CRYBA2: variants seen among roughly 807,000 people sequenced by gnomAD.
The protein encoded by CRYBA2 is crystallin beta A2.
Under a neutral mutation model 18.5 loss-of-function variants are expected in CRYBA2, and 17 were observed. That is an observed-to-expected ratio of 0.92 (90% CI 0.63 to 1.38). The LOEUF (loss-of-function observed/expected upper bound fraction) is 1.38. CRYBA2 is among the 40% of genes most tolerant of loss of function. The pLI, the probability that CRYBA2 is intolerant of heterozygous loss-of-function variation, is 0.00. For synonymous variants in CRYBA2, 101 were observed against 106.2 expected (o/e 0.95, Z 0.30); for missense variants, 271 against 265.0 (o/e 1.02, Z -0.16).
chr2:218,990,723 C>T (rs1349129369), intron 3 of CRYBA2, 129 bp downstream of exon 3: 4 of 1,188,800 alleles, frequency 3.4e-6, no homozygotes, highest in Non-Finnish European at 4.7e-6. Flanking sequence ...CCATCATCTC[C>T]CTCCCCTTGC....
chr2:218,990,453 C>A (rs1271018644), intron 3 of CRYBA2, 54 bp from the exon 4 acceptor site: 2 of 1,591,898 alleles, frequency 1.3e-6, no homozygotes, highest in Admixed American at 1.7e-5. Flanking sequence ...CACCCCCACC[C>A]TATGTTCTCC....
chr2:218,990,888 CT>C lies in CRYBA2; in HGVS notation c.409del (p.Ser137AlafsTer71). The C allele has an allele frequency of 6.2e-7, 1 of 1,614,172 alleles. No individual in the cohort carries two copies. The highest frequency in any genetic ancestry group is 2.2e-5 in the East Asian group (1 of 44,878). On this transcript the variant is annotated frameshift_variant, in exon 3 of 4. Coordinates refer to ENST00000295728, the MANE Select transcript of CRYBA2 (RefSeq NM_057093.2). LOFTEE classifies it low-confidence loss of function (END_TRUNC). ...YPSLPSMGWA[S>X]KDVGSLKVSS... ...GACTTTGAGGGAACCCACATCCTTG[CT>C]GGCCCAGCCCATGGAGGGCAGGGAT...
rs189642604 is a variant in CRYBA2, at chr2:218,991,657, C to A, written c.303+445G>T. Among the ~76,000 whole-genome samples the A allele has an allele frequency of 6.9e-4, 105 of 152,326 alleles. 1 individual carries two copies. The Middle Eastern group carries it at 0.01, about 15-fold the overall frequency. ...CGGTGTATTTGATTCATTAACAACA[C>A]CCTCACACACACAATAACACACACA... On this transcript the variant is annotated intron_variant, in intron 2 of 3. Coordinates refer to ENST00000295728, the MANE Select transcript of CRYBA2 (RefSeq NM_057093.2).
At chr2:218,992,363 T>A in intron 1 of CRYBA2, 120 bp from the exon 2 acceptor site, 1 of 1,000,192 alleles carries the variant, frequency 1.0e-6, no homozygotes, top group Non-Finnish European at 1.5e-6. Context: ...CCCAAACCCT[T>A]CCCCTGACAC....
At chr2:218,992,702 T>A (rs1945512298) in intron 1 of CRYBA2, among the ~76,000 whole-genome samples, 1 of 152,166 alleles carries the variant, frequency 6.6e-6, no homozygotes, top group Non-Finnish European at 1.5e-5. Flanking sequence ...TTAAGCCAAG[T>A]GCAGAGCCTT....
chr2:218,993,138 G>A lies in CRYBA2; in HGVS notation c.39C>T (p.Ser13=), dbSNP rs772895910. 6.2e-7 allele frequency: 1 copy of A among 1,609,326 alleles called. No homozygotes were observed. Among genetic ancestry groups the A allele is most frequent in the African/African-American group, 1.3e-5 (1 of 74,908 alleles). ...SAPAPGPAPA[S]LTLWDEEDFQ... ...AGTCCTCCTCGTCCCAGAGCGTGAGGCTGGCGGGCGCCGGGCCCGGCGCGG... is the reference window on the plus strand; with the variant it reads ...AGTCCTCCTCGTCCCAGAGCGTGAGACTGGCGGGCGCCGGGCCCGGCGCGG... The change falls in exon 1 of 4, where the codon AGC becomes AGT. Residue 13 remains serine (S), a synonymous_variant. Coordinates refer to ENST00000295728, the MANE Select transcript of CRYBA2 (RefSeq NM_057093.2). This position sits in a 1 kb window ranked among gnomAD's most constrained non-coding sequence, Gnocchi z 7.7.
At chr2:218,991,165 G>T in intron 2 of CRYBA2, 171 bp from the exon 3 acceptor site, 1 of 969,338 alleles carries the variant, frequency 1.0e-6, no homozygotes, top group East Asian at 2.7e-5. Flanking sequence ...CTGGGAAATG[G>T]ATCGCTCAGA....
intron 1 of CRYBA2, 113 bp downstream of exon 1, chr2:218,992,903 A>G (rs1048426721): frequency 1.4e-5 from 11 of 784,482 alleles, no homozygotes; most frequent in Admixed American, 2.8e-5. Flanking sequence ...GGGGTTTCCC[A>G]TGTTGGCAGG....
intron 3 of CRYBA2, 126 bp from the exon 4 acceptor site, chr2:218,990,525 C>CAGGAA: frequency 8.1e-7 from 1 of 1,229,822 alleles, no homozygotes. Flanking sequence ...TTCAACTTTC[C>CAGGAA]CTCCGTGGCT....
chr2:218,991,216 G>T, intron 2 of CRYBA2: 1 of 552,970 alleles, frequency 1.8e-6, no homozygotes, highest in Admixed American at 3.4e-5. Flanking sequence ...TTTGAGATAA[G>T]GAGGTGATTG....
rs948625438 is a variant in CRYBA2, at chr2:218,993,397, G to T, written c.-221C>A. The T allele has an allele frequency of 1.5e-4, 85 of 549,436 alleles. No individual in the cohort carries two copies. Among genetic ancestry groups the T allele is most frequent in the Non-Finnish European group, 1.6e-5 (5 of 315,634 alleles). 34.0% of individuals were successfully genotyped at this position (549,436 alleles called of 1,614,324 possible). ...CACCGGGTGGGTGAGCGCGGCACGC[G>T]AGGGAAATGGACCGGCTGCGAGGCT... On this transcript the variant is annotated 5_prime_UTR_variant, in exon 1 of 4. Coordinates refer to ENST00000295728, the MANE Select transcript of CRYBA2 (RefSeq NM_057093.2). This position sits in a 1 kb window ranked among gnomAD's most constrained non-coding sequence, Gnocchi z 7.7.
chr2:218,992,162 C>G lies in CRYBA2; in HGVS notation c.243G>C (p.Trp81Cys). 6.2e-7 allele frequency: 1 copy of G among 1,613,376 alleles called. No homozygotes were observed. Among genetic ancestry groups the G allele is most frequent in the African/African-American group, 1.3e-5 (1 of 75,052 alleles). The change falls in exon 2 of 4, where the codon TGG becomes TGC. Residue 81 changes from tryptophan to cysteine, a missense_variant. Coordinates refer to ENST00000295728, the MANE Select transcript of CRYBA2 (RefSeq NM_057093.2). ...TGCTGTTGTGGCTGCTGCTGCCACT[C>G]CAGGCGCTCCAGCGAGGATAGTCTC... is the stretch of plus-strand genomic sequence containing the variant. ...EKGDYPRWSA[W>C]SGSSSHNSNQ...
In CRYBA2 at chr2:218,990,282, C is replaced by T. The variant is rs1181615517; in HGVS notation, c.564G>A (p.Gln188=). ...GCTGGACTCTCCGGATGGACTGCAG[C>T]TGCCCAGTGTGGGCCTGTGTGCCGA... ...GELGTQAHTG[Q]LQSIRRVQH The change falls in exon 4 of 4, where the codon CAG becomes CAA. Residue 188 remains glutamine, a synonymous_variant. Coordinates refer to ENST00000295728, the MANE Select transcript of CRYBA2 (RefSeq NM_057093.2). The T allele has an allele frequency of 1.9e-6, 3 of 1,614,046 alleles. No homozygotes were observed. In the African/African-American group the frequency reaches 4.0e-5, roughly 22 times the overall value.
chr2:218,990,978 C>T lies in CRYBA2; in HGVS notation c.320G>A (p.Arg107His), dbSNP rs371989867. 5.2e-5 allele frequency: 84 copies of T among 1,614,168 alleles called. No homozygotes were observed. In the Middle Eastern group the frequency reaches 1.2e-3, roughly 22 times the overall value. Reference sequence around the variant, plus strand: ...GTTGTCCCCCTCAAACAGTGTCACACGGCTGTCATTGTGGTTCTGAGGCAC... The same window carrying T: ...GTTGTCCCCCTCAAACAGTGTCACATGGCTGTCATTGTGGTTCTGAGGCAC... ...PVLCANHNDSRVTLFEGDNFQ... is the reference protein window; with the variant it reads ...PVLCANHNDSHVTLFEGDNFQ... The change falls in exon 3 of 4, where the codon CGT becomes CAT. Residue 107 changes from arginine to histidine, a missense_variant. By Grantham distance (29) the Arg-to-His change is conservative. Transcript: ENST00000295728.
chr2:218,991,764 T>C (rs1945499969), intron 2 of CRYBA2: 4 of 302,332 alleles, frequency 1.3e-5, no homozygotes, highest in Non-Finnish European at 2.5e-5. Context: ...CACCTGTGTA[T>C]GGGGCTAACA....
chr2:218,992,122 A>G lies in CRYBA2; in HGVS notation c.283T>C (p.Phe95Leu), dbSNP rs760727776. The G allele has an allele frequency of 3.7e-6, 6 of 1,613,476 alleles. No individual in the cohort carries two copies. In the South Asian group the frequency reaches 6.6e-5, roughly 18 times the overall value. Residue 95 changes from phenylalanine to leucine, a missense_variant, in exon 2 of 4, where the codon TTC becomes CTC. Phe to Leu is a conservative substitution (Grantham distance 22, BLOSUM62 0). Transcript: ENST00000295728. ...SSHNSNQLLS[F>L]RPVLCANHND... ...CTCACCGCGCAGAGCACTGGCCGGA[A>G]GGACAGCAGCTGGTTGCTGTTGTGG...
chr2:218,990,329 C>T lies in CRYBA2; in HGVS notation c.517G>A (p.Glu173Lys). 1 of 1,614,180 alleles carries T rather than the reference C, an allele frequency of 6.2e-7. No individual in the cohort carries two copies. The highest frequency in any genetic ancestry group is 8.5e-7 in the Non-Finnish European group (1 of 1,180,028). The change falls in exon 4 of 4, where the codon GAG (glutamate) becomes AAG (lysine). Residue 173 changes from glutamate to lysine, a missense_variant. Physicochemically the swap from Glu to Lys is moderately conservative, Grantham distance 56. Transcript: ENST00000295728. ...YVLERDRHSG[E>K]FCTYGELGTQ... ...CCGAGCTCACCGTAAGTACAGAACT[C>T]TCCGCTGTGCCGGTCCCGCTCCAAC...
Position 218,993,160 on chromosome 2 carries a change from G to C in CRYBA2, c.17C>G (p.Ala6Gly), listed in dbSNP as rs762335186. MSSAP[A>G]PGPAPASLTL... is the part of the protein sequence containing the mutation. ...GAGGCTGGCGGGCGCCGGGCCCGGC[G>C]CGGGGGCGCTGCTCATGCCGCTGCG... The change falls in exon 1 of 4, where the codon GCG becomes GGG. Residue 6 changes from alanine (A) to glycine (G), a missense_variant. Coordinates refer to ENST00000295728, the MANE Select transcript of CRYBA2 (RefSeq NM_057093.2). The surrounding 1 kb of genome is among the most constrained non-coding windows in gnomAD (Gnocchi z 7.7). 6.2e-7 allele frequency: 1 copy of C among 1,603,510 alleles called. No individual in the cohort carries two copies. Among genetic ancestry groups the C allele is most frequent in the South Asian group, 1.1e-5 (1 of 90,284 alleles).
In CRYBA2 at chr2:218,990,305, C is replaced by G. The variant is rs748194398; in HGVS notation, c.541G>C (p.Gly181Arg). Residue 181 changes from glycine (G) to arginine (R), a missense_variant, in exon 4 of 4, where the codon GGC becomes CGC. By Grantham distance (125) the Gly-to-Arg change is moderately radical (BLOSUM62 -2). Coordinates refer to ENST00000295728, the MANE Select transcript of CRYBA2 (RefSeq NM_057093.2). ...AGCTGCCCAGTGTGGGCCTGTGTGC[C>G]GAGCTCACCGTAAGTACAGAACTCT... ...SGEFCTYGEL[G>R]TQAHTGQLQS... The G allele has an allele frequency of 2.5e-6, 4 of 1,614,128 alleles. No individual in the cohort carries two copies. Among genetic ancestry groups the G allele is most frequent in the Non-Finnish European group, 3.4e-6 (4 of 1,180,012 alleles).
Sources: allele counts gnomAD v4.1 joint callset (sites outside exome capture counted in the v4.1 genomes callset), GRCh38; gene constraint gnomAD v4.1.1; non-coding constraint Gnocchi (gnomAD v3.1); transcripts MANE v1.5; gene names NCBI Gene and HGNC (gene_info 2026-07-23, HGNC 2026-07-21).